The following RSRC1 variants were observed in gnomAD, a reference collection of about 807,000 sequenced individuals.
The protein encoded by RSRC1 is arginine and serine rich coiled-coil 1.
Under a neutral mutation model 49.1 loss-of-function variants are expected in RSRC1, and 39 were observed. The ratio of observed to expected loss-of-function variants is 0.79; its 90% confidence interval spans 0.61 to 1.04. The LOEUF (loss-of-function observed/expected upper bound fraction) is 1.04, where lower values mean the gene tolerates loss of function less well. Ranked by LOEUF, RSRC1 falls within the 50% of genes least tolerant of loss-of-function variation. RSRC1 has a pLI of 0.00. For missense variants in RSRC1, 388 were observed against 402.4 expected (o/e 0.96, Z 0.31); for synonymous variants, 143 against 130.8 (o/e 1.09, Z -0.63).
chr3:158,457,088 A>G (rs1447765567), intron 6 of RSRC1, among the ~76,000 whole-genome samples: 2 of 152,164 alleles, frequency 1.3e-5, no homozygotes, highest in Non-Finnish European at 2.9e-5. Context: ...AAGGATACAC[A>G]ACACTAAACA....
chr3:158,444,290 G>T (rs142928512), intron 6 of RSRC1, among the ~76,000 whole-genome samples: 1,678 of 152,158 alleles, frequency 0.011, 41 homozygotes, highest in African/African-American at 0.038. Context: ...AAACAGCAAG[G>T]TACTGGCACC....
chr3:158,253,199 T>C (rs139854735), intron 4 of RSRC1, among the ~76,000 whole-genome samples: 151 of 152,158 alleles, frequency 9.9e-4, no homozygotes, highest in African/African-American at 3.4e-3. Context: ...TTGATGTAGA[T>C]TCTTATTCCT....
intron 4 of RSRC1, among the ~76,000 whole-genome samples, chr3:158,269,938 T>A (rs1725409628): frequency 6.6e-6 from 1 of 152,200 alleles, no homozygotes; most frequent in African/African-American, 2.4e-5. Context: ...AGAACTTCTT[T>A]TAACTGAAGA....
intron 1 of RSRC1, among the ~76,000 whole-genome samples, chr3:158,118,150 A>T (rs981592400): frequency 1.3e-5 from 2 of 151,994 alleles, no homozygotes; most frequent in African/African-American, 4.8e-5. Context: ...AGTTTTCACC[A>T]TGTTGGCGGG....
At chr3:158,232,084 T>C (rs1186611033) in intron 4 of RSRC1, among the ~76,000 whole-genome samples, 3 of 152,162 alleles carry the variant, frequency 2.0e-5, no homozygotes. Flanking sequence ...GATTTATCTC[T>C]ATATTAATAG....
At chr3:158,523,066 A>G (rs961069198) in intron 7 of RSRC1, among the ~76,000 whole-genome samples, 2 of 152,128 alleles carry the variant, frequency 1.3e-5, no homozygotes, top group Non-Finnish European at 1.5e-5. Flanking sequence ...AGCAGTATCT[A>G]TTTGTGAGCA....
intron 4 of RSRC1, among the ~76,000 whole-genome samples, chr3:158,251,798 G>A (rs555356530): frequency 3.9e-5 from 6 of 152,214 alleles, no homozygotes; most frequent in Non-Finnish European, 7.4e-5. Context: ...CAGTTTAGAT[G>A]CCCTTCATTT....
At chr3:158,417,300 A>G (rs940292846) in intron 6 of RSRC1, among the ~76,000 whole-genome samples, 1 of 152,068 alleles carries the variant, frequency 6.6e-6, no homozygotes. Flanking sequence ...CAACTCCTAA[A>G]GCTACCTTAA....
Position 158,390,256 on chromosome 3 carries a change from A to T in RSRC1, c.583+35348A>T, listed in dbSNP as rs185573145. Among the ~76,000 whole-genome samples the T allele has an allele frequency of 9.2e-5, 14 of 152,232 alleles. No individual in the cohort carries two copies. The East Asian group carries it at 2.1e-3, about 23-fold the overall frequency. On this transcript the variant is annotated intron_variant, in intron 6 of 9. Transcript: ENST00000611884. The stretch of plus-strand genomic sequence containing the variant: ...AAGTCCTTCCATGAAGGAGTAGTGA[A>T]TTCACATGTATAAAAATGACTCCAG...
At chr3:158,256,941 C>G (rs1482175887) in intron 4 of RSRC1, among the ~76,000 whole-genome samples, 1 of 151,844 alleles carries the variant, frequency 6.6e-6, no homozygotes, top group African/African-American at 2.4e-5. Flanking sequence ...TTTTATTGCA[C>G]CTATTTAATT....
chr3:158,205,967 T>A (rs1721323935), intron 4 of RSRC1, among the ~76,000 whole-genome samples: 1 of 152,200 alleles, frequency 6.6e-6, no homozygotes, highest in Admixed American at 6.5e-5. Flanking sequence ...ATTTAGGCTT[T>A]CTGGATCATT....
At chr3:158,257,647 T>C (rs918702527) in intron 4 of RSRC1, among the ~76,000 whole-genome samples, 2 of 152,184 alleles carry the variant, frequency 1.3e-5, no homozygotes, top group Admixed American at 1.3e-4. Context: ...AGGGTTTTTA[T>C]TGATAAATAG....
At chr3:158,428,103 C>T (rs985777834) in intron 6 of RSRC1, among the ~76,000 whole-genome samples, 1 of 151,724 alleles carries the variant, frequency 6.6e-6, no homozygotes, top group Non-Finnish European at 1.5e-5. Context: ...TCCACCCCCA[C>T]CTCCAACCAG....
intron 7 of RSRC1, among the ~76,000 whole-genome samples, chr3:158,479,890 C>G (rs1346498603): frequency 6.6e-6 from 1 of 152,018 alleles, no homozygotes; most frequent in African/African-American, 2.4e-5. Context: ...CTTGATTACA[C>G]TTCATTTTCT....
intron 5 of RSRC1, among the ~76,000 whole-genome samples, chr3:158,328,353 T>C (rs562843641): frequency 2.6e-5 from 4 of 152,348 alleles, no homozygotes; most frequent in Non-Finnish European, 5.9e-5. Flanking sequence ...TTTGGCATGT[T>C]TTTGCAGTGG....
chr3:158,351,897 T>C (rs1329787838), intron 5 of RSRC1, among the ~76,000 whole-genome samples: 1 of 144,236 alleles, frequency 6.9e-6, no homozygotes. Context: ...TATTATATAA[T>C]ATATAATTAT....
intron 6 of RSRC1, among the ~76,000 whole-genome samples, chr3:158,407,739 C>T (rs556071616): frequency 1.3e-5 from 2 of 152,246 alleles, no homozygotes; most frequent in Non-Finnish European, 2.9e-5. Flanking sequence ...AACATAAAAA[C>T]ACCTCATCAA....
chr3:158,264,794 A>G (rs996878493), intron 4 of RSRC1, among the ~76,000 whole-genome samples: 1 of 152,194 alleles, frequency 6.6e-6, no homozygotes, highest in African/African-American at 2.4e-5. Context: ...CAACTGAGGA[A>G]TGAACGTCCT....
chr3:158,155,211 C>T (rs781512584), intron 3 of RSRC1, among the ~76,000 whole-genome samples: 6 of 152,122 alleles, frequency 3.9e-5, no homozygotes, highest in African/African-American at 1.4e-4. Flanking sequence ...AGAAGGTTTT[C>T]GATTTACTTT....
Sources: gnomAD v4.1 joint callset for allele counts (sites outside exome capture counted in the v4.1 genomes callset) on GRCh38, gnomAD v4.1.1 for gene constraint, MANE v1.5 for transcripts, NCBI Gene and HGNC (gene_info 2026-07-23, HGNC 2026-07-21) for gene names.